Variants in MREG observed in about 807,000 individuals in gnomAD.
The protein encoded by MREG is dilute suppressor protein homolog.
Under a neutral mutation model 28.5 loss-of-function variants are expected in MREG, and 31 were observed. The observed-to-expected ratio is 1.09, with a 90% CI of 0.82 to 1.47. The LOEUF (loss-of-function observed/expected upper bound fraction) is 1.47. Ranked by LOEUF, MREG falls within the 40% of genes most tolerant of loss-of-function variation. MREG has a pLI of 0.00. For missense variants in MREG, 256 were observed against 257.4 expected, an observed-to-expected ratio of 0.99 and a Z score of 0.04; for synonymous variants, 106 against 95.2, an observed-to-expected ratio of 1.11 and a Z score of -0.66.
Position 215,943,541 on chromosome 2 carries a change from G to A in MREG, c.*1322C>T. Reference sequence around the variant, plus strand: ...ACTTCAGTTTACAGATGCTATTCCAGATAAAATGCCAAGGGCTTGGCCGGG... The same window carrying A: ...ACTTCAGTTTACAGATGCTATTCCAAATAAAATGCCAAGGGCTTGGCCGGG... On this transcript the variant is annotated 3_prime_UTR_variant, in exon 5 of 5. Coordinates refer to ENST00000263268, the MANE Select transcript of MREG (RefSeq NM_018000.3). 1 of 456,102 alleles carries A rather than the reference G, an allele frequency of 2.2e-6. No homozygotes were observed. The highest frequency in any genetic ancestry group is 2.4e-5 in the Admixed American group (1 of 42,542). The allele number at this position is 456,102 out of a possible 1,614,324, so 28.3% of individuals were successfully genotyped here.
intron 2 of MREG, among the ~76,000 whole-genome samples, chr2:215,977,775 T>A (rs1203731729): frequency 6.6e-6 from 1 of 152,210 alleles, no homozygotes; most frequent in African/African-American, 2.4e-5. Flanking sequence ...TGCTCCTGAA[T>A]GACTCCTGGG....
At chr2:216,031,097 G>A (rs1559203676) in intron 1 of MREG, among the ~76,000 whole-genome samples, 2 of 151,892 alleles carry the variant, frequency 1.3e-5, no homozygotes, top group Non-Finnish European at 2.9e-5. Context: ...AAGTAAAATG[G>A]TAACAACGCG....
chr2:215,947,516 C>T (rs1478002618), intron 2 of MREG, among the ~76,000 whole-genome samples: 1 of 152,128 alleles, frequency 6.6e-6, no homozygotes, highest in African/African-American at 2.4e-5. Context: ...TTATTAAAGC[C>T]ATTTTATAGA....
At chr2:216,031,683 GAAAGAA>G (rs1553558900) in intron 1 of MREG, among the ~76,000 whole-genome samples, 1,768 of 53,732 alleles carry the variant, frequency 0.033, 40 homozygotes, top group African/African-American at 0.11. Context: ...AAGAAAGAAA[GAAAGAA>G]AGAGAAAGAA....
intron 2 of MREG, among the ~76,000 whole-genome samples, chr2:215,949,560 CAAA>C (rs539713640): frequency 1.8e-5 from 2 of 108,334 alleles, no homozygotes. Context: ...GACTCTGTCT[CAAA>C]AAAAAAAAAA....
At chr2:215,959,002 G>A (rs1263525501) in intron 2 of MREG, among the ~76,000 whole-genome samples, 1 of 152,010 alleles carries the variant, frequency 6.6e-6, no homozygotes, top group East Asian at 1.9e-4. Flanking sequence ...AAGTCAAGAG[G>A]AGCTCTGGGA....
At chr2:215,995,765 A>G (rs1315581786) in intron 2 of MREG, among the ~76,000 whole-genome samples, 2 of 152,186 alleles carry the variant, frequency 1.3e-5, no homozygotes, top group African/African-American at 4.8e-5. Context: ...TCTTAAATCA[A>G]TCACTTTGGA....
At chr2:215,941,925 C>A (rs141066402), downstream of MREG, among the ~76,000 whole-genome samples, 4 of 152,338 alleles carry the variant, frequency 2.6e-5, no homozygotes, top group East Asian at 7.7e-4. Context: ...ATGTCCATTG[C>A]TGTCAGTGAG....
intron 1 of MREG, among the ~76,000 whole-genome samples, chr2:216,000,871 G>A (rs1358297767): frequency 1.3e-5 from 2 of 152,134 alleles, no homozygotes; most frequent in Non-Finnish European, 2.9e-5. Context: ...AATAACGTTA[G>A]ACCATGAATA....
At chr2:215,988,228 G>T (rs1693629770) in intron 2 of MREG, among the ~76,000 whole-genome samples, 1 of 152,166 alleles carries the variant, frequency 6.6e-6, no homozygotes, top group Non-Finnish European at 1.5e-5. Flanking sequence ...TAGACAGTTG[G>T]TGCAGCCCAC....
intron 2 of MREG, among the ~76,000 whole-genome samples, chr2:215,977,214 A>G (rs1444643945): frequency 1.3e-5 from 2 of 152,206 alleles, no homozygotes; most frequent in African/African-American, 4.8e-5. Flanking sequence ...ACCAACAAAA[A>G]GCAGGGGTTG....
Position 215,984,252 on chromosome 2 carries a change from T to C in MREG, c.255+12054A>G, listed in dbSNP as rs549129739. Among the ~76,000 whole-genome samples, 66 of 152,230 alleles carry C rather than the reference T, an allele frequency of 4.3e-4. 2 individuals carry two copies. The highest frequency in any genetic ancestry group is 1.5e-3 in the African/African-American group (62 of 41,538). On this transcript the variant is annotated intron_variant, in intron 2 of 4. Transcript: ENST00000263268. ...GCATGGGAAAGACTTGCCCCCATGA[T>C]TGAATTACCTCCCCCCATGTCCATC... is the stretch of plus-strand genomic sequence containing the variant.
At chr2:215,981,635 A>T (rs1310125111) in intron 2 of MREG, among the ~76,000 whole-genome samples, 1 of 152,180 alleles carries the variant, frequency 6.6e-6, no homozygotes, top group Non-Finnish European at 1.5e-5. Flanking sequence ...AAAAATGATT[A>T]CAAGAGGAAA....
upstream of MREG, among the ~76,000 whole-genome samples, chr2:216,014,148 CAG>C (rs886609237): frequency 2.0e-5 from 3 of 152,064 alleles, no homozygotes; most frequent in Non-Finnish European, 4.4e-5. Context: ...TTTTTTGACT[CAG>C]TGTATCATGG....
chr2:216,030,936 TCTCTCTCTCTCTCTCTCTCTCACA>T, intron 1 of MREG, among the ~76,000 whole-genome samples: 1 of 40,518 alleles, frequency 2.5e-5, no homozygotes, highest in African/African-American at 6.7e-5. Context: ...ATTCTCTCTC[TCTCTCTCTCTCTCTCTCTCTCACA>T]CACACACACA....
At chr2:215,985,523 ATGTTG>A (rs1693544149) in intron 2 of MREG, among the ~76,000 whole-genome samples, 1 of 152,162 alleles carries the variant, frequency 6.6e-6, no homozygotes, top group Non-Finnish European at 1.5e-5. Flanking sequence ...GATTTAAATA[ATGTTG>A]TTTTGTATTT....
chr2:215,948,762 G>A (rs1020305409), intron 2 of MREG, among the ~76,000 whole-genome samples: 15 of 152,126 alleles, frequency 9.9e-5, no homozygotes, highest in Non-Finnish European at 1.9e-4. Context: ...TAACCTCACT[G>A]TTCCTCAATT....
At chr2:215,958,501 T>G (rs531664282) in intron 2 of MREG, among the ~76,000 whole-genome samples, 1 of 152,216 alleles carries the variant, frequency 6.6e-6, no homozygotes, top group Non-Finnish European at 1.5e-5. Context: ...CGTCTCTTCA[T>G]AGGGCAGCTG....
At chr2:215,939,862 C>G (rs537327036), downstream of MREG, among the ~76,000 whole-genome samples, 8 of 152,222 alleles carry the variant, frequency 5.3e-5, no homozygotes, top group South Asian at 1.7e-3. Context: ...ATAATTCACA[C>G]TACATGTTTA....
Sources: allele counts gnomAD v4.1 joint callset (sites outside exome capture counted in the v4.1 genomes callset), GRCh38; gene constraint gnomAD v4.1.1; transcripts MANE v1.5; gene names NCBI Gene and HGNC (gene_info 2026-07-23, HGNC 2026-07-21).